The following CNBD1 variants were observed in gnomAD, a reference collection of about 807,000 sequenced individuals.
CNBD1 encodes the protein cyclic nucleotide-binding domain-containing protein 1.
CNBD1 carries 71 observed loss-of-function variants against 54.4 expected under a neutral mutation model. That is an observed-to-expected ratio of 1.30 (90% CI 1.08 to 1.59). The LOEUF is 1.59. CNBD1 is among the 40% of genes most tolerant of loss of function. CNBD1 has a pLI of 0.00. For synonymous variants in CNBD1, 182 were observed against 170.7 expected, an observed-to-expected ratio of 1.07 and a Z score of -0.51; for missense variants, 659 against 518.0, an observed-to-expected ratio of 1.27 and a Z score of -2.64.
intron 2 of CNBD1, among the ~76,000 whole-genome samples, chr8:86,903,996 A>T (rs1001494415): frequency 6.6e-6 from 1 of 151,948 alleles, no homozygotes; most frequent in Non-Finnish European, 1.5e-5. Flanking sequence ...ATTACATCAT[A>T]TTGTGTTGTT....
chr8:87,406,444 GTA>G (rs1379623875), intron 2 of CNBD1, among the ~76,000 whole-genome samples: 2 of 112,236 alleles, frequency 1.8e-5, no homozygotes, highest in African/African-American at 7.3e-5. Context: ...ATATATGTGT[GTA>G]TACACACACA....
intron 2 of CNBD1, among the ~76,000 whole-genome samples, chr8:86,895,594 A>G (rs989173677): frequency 1.3e-5 from 2 of 152,200 alleles, no homozygotes; most frequent in Admixed American, 6.5e-5. Flanking sequence ...CTTTTGCTCC[A>G]TAACCTCATC....
At chr8:87,261,070 C>A (rs991078913) in intron 6 of CNBD1, among the ~76,000 whole-genome samples, 14 of 152,158 alleles carry the variant, frequency 9.2e-5, no homozygotes, top group African/African-American at 2.7e-4. Flanking sequence ...CAGTCCCTTT[C>A]TGACCCAGTC....
At chr8:87,259,999 C>T (rs887552587) in intron 6 of CNBD1, among the ~76,000 whole-genome samples, 7 of 152,028 alleles carry the variant, frequency 4.6e-5, no homozygotes, top group East Asian at 1.9e-4. Flanking sequence ...AGAAGAGAAT[C>T]GACAAGGATA....
chr8:87,093,140 T>G (rs1295345366), intron 4 of CNBD1, among the ~76,000 whole-genome samples: 2 of 152,222 alleles, frequency 1.3e-5, no homozygotes, highest in African/African-American at 4.8e-5. Flanking sequence ...GGCAACTTAT[T>G]TACTGTATAG....
intron 1 of CNBD1, among the ~76,000 whole-genome samples, chr8:86,887,161 C>A (rs2131786641): frequency 6.6e-6 from 1 of 152,204 alleles, no homozygotes; most frequent in East Asian, 1.9e-4. Flanking sequence ...AGTGAGAGAC[C>A]AAATTAAGAA....
intron 4 of CNBD1, among the ~76,000 whole-genome samples, chr8:87,109,071 A>G (rs1341766331): frequency 6.6e-6 from 1 of 152,242 alleles, no homozygotes; most frequent in Non-Finnish European, 1.5e-5. Context: ...ATCCAAATAC[A>G]TAATCAGAAC....
intron 10 of CNBD1, among the ~76,000 whole-genome samples, chr8:87,360,263 G>A (rs962768316): frequency 1.3e-5 from 2 of 151,972 alleles, no homozygotes; most frequent in African/African-American, 4.8e-5. Flanking sequence ...ATAAAATATA[G>A]TAAGATGTAT....
intron 4 of CNBD1, among the ~76,000 whole-genome samples, chr8:87,124,346 A>T (rs905956867): frequency 6.6e-6 from 1 of 151,718 alleles, no homozygotes; most frequent in African/African-American, 2.4e-5. Flanking sequence ...ATTTAAGAAG[A>T]TTCAAATTAT....
chr8:87,404,875 C>T (rs771592879), intron 2 of CNBD1, among the ~76,000 whole-genome samples: 1 of 152,002 alleles, frequency 6.6e-6, no homozygotes, highest in Non-Finnish European at 1.5e-5. Flanking sequence ...GATGGAGCTA[C>T]ATTTTAAAAT....
At chr8:87,196,128 G>C (rs1017884483) in intron 4 of CNBD1, among the ~76,000 whole-genome samples, 2 of 152,084 alleles carry the variant, frequency 1.3e-5, no homozygotes, top group African/African-American at 4.8e-5. Context: ...GAAAAATTTG[G>C]GGTGGAGTAA....
At chr8:87,184,000 C>T (rs905628992) in intron 4 of CNBD1, among the ~76,000 whole-genome samples, 5 of 152,184 alleles carry the variant, frequency 3.3e-5, no homozygotes, top group African/African-American at 4.8e-5. Flanking sequence ...GAGTGCCATA[C>T]ACGTGTGCAC....
intron 4 of CNBD1, among the ~76,000 whole-genome samples, chr8:87,039,759 AG>A (rs755244086): frequency 6.6e-6 from 1 of 152,136 alleles, no homozygotes; most frequent in Non-Finnish European, 1.5e-5. Context: ...TTTGTTGGAT[AG>A]GGGCCAGTGA....
Position 87,019,042 on chromosome 8 carries a change from A to G in CNBD1, c.431+79288A>G, listed in dbSNP as rs183614364. 7.9e-5 allele frequency among the ~76,000 whole-genome samples: 12 copies of G among 152,338 alleles called. No individual in the cohort carries two copies. In the East Asian group the frequency reaches 2.3e-3, roughly 29 times the overall value. ...CCTTGTAACAAAGTCTCCTGGGTAT[A>G]ATACTCCCAATTATGAGTTGTAAAA... is the stretch of plus-strand genomic sequence containing the variant. On this transcript the variant is annotated intron_variant, in intron 4 of 10. Transcript: ENST00000518476.
intron 1 of CNBD1, among the ~76,000 whole-genome samples, chr8:86,884,458 C>T (rs1808651791): frequency 6.6e-6 from 1 of 151,986 alleles, no homozygotes; most frequent in Admixed American, 6.6e-5. Context: ...AGAAAAATTA[C>T]CTTTGAGATT....
chr8:87,285,795 A>G (rs1045810396), intron 7 of CNBD1, among the ~76,000 whole-genome samples: 20 of 152,100 alleles, frequency 1.3e-4, no homozygotes, highest in African/African-American at 4.3e-4. Context: ...GCTTGAACCC[A>G]GGAAGTGGAG....
chr8:87,349,086 A>G (rs528840723), intron 8 of CNBD1, among the ~76,000 whole-genome samples: 2 of 152,322 alleles, frequency 1.3e-5, no homozygotes, highest in Non-Finnish European at 2.9e-5. Flanking sequence ...CCTTGAGATA[A>G]TAATAAATAA....
intron 8 of CNBD1, among the ~76,000 whole-genome samples, chr8:87,330,418 G>A (rs1809800623): frequency 6.6e-6 from 1 of 150,454 alleles, no homozygotes; most frequent in Admixed American, 6.6e-5. Context: ...TTCCTTTCTT[G>A]ATTTCTTAAT....
chr8:87,351,456 G>T (rs1253671286), intron 8 of CNBD1, among the ~76,000 whole-genome samples: 1 of 152,038 alleles, frequency 6.6e-6, no homozygotes, highest in Non-Finnish European at 1.5e-5. Context: ...TGCCTTTACT[G>T]CCAAAGTCTT....
Sources: gnomAD v4.1 joint callset for allele counts (sites outside exome capture counted in the v4.1 genomes callset) on GRCh38, gnomAD v4.1.1 for gene constraint, MANE v1.5 for transcripts, NCBI Gene and HGNC (gene_info 2026-07-23, HGNC 2026-07-21) for gene names.